Variants in BEND2 observed in about 807,000 individuals in gnomAD.
The protein encoded by BEND2 is BEN domain-containing protein 2.
BEND2 carries 19 observed loss-of-function variants against 43.8 expected under a neutral mutation model. That is an observed-to-expected ratio of 0.43 (90% CI 0.30 to 0.64). The LOEUF (loss-of-function observed/expected upper bound fraction) is 0.64. BEND2 is among the 30% of genes least tolerant of loss of function. The pLI is 0.11. For synonymous variants in BEND2, 226 were observed against 210.1 expected (o/e 1.08, Z -0.66); for missense variants, 544 against 574.0 (o/e 0.95, Z 0.53).
chrX:18,215,146 T>C (rs148621470), intron 2 of BEND2, among the ~76,000 whole-genome samples: 1 of 111,871 alleles, frequency 8.9e-6, no homozygotes, highest in Non-Finnish European at 1.9e-5. Context: ...AAGGCAAACA[T>C]TTATCATTTT....
chrX:18,177,754 G>C lies in BEND2; in HGVS notation c.1445C>G (p.Pro482Arg). The change falls in exon 10 of 14, where the codon CCA (proline) becomes CGA (arginine). Residue 482 changes from proline to arginine, a missense_variant. By Grantham distance (103) the Pro-to-Arg change is moderately radical. Around this residue, in one of 2 missense-constraint regions of BEND2, gnomAD observed 501 missense variants for 501.6 expected, o/e 1.00. Transcript: ENST00000380033. ...IPPKYGYLGD[P>R]KRNVRVLKIH... ...TTTAAGTACTCTGACATTTCTTTTT[G>C]GATCACCAAGATAGCCTTTAAAAAT... 8.3e-7 allele frequency: 1 copy of C among 1,207,490 alleles called. No individual in the cohort carries two copies. Among genetic ancestry groups the C allele is most frequent in the Non-Finnish European group, 1.1e-6 (1 of 892,402 alleles).
At chrX:18,220,237 A>G (rs1045431184) in intron 1 of BEND2, among the ~76,000 whole-genome samples, 1 of 112,359 alleles carries the variant, frequency 8.9e-6, no homozygotes, top group African/African-American at 3.2e-5. Flanking sequence ...GCGGCTGCCC[A>G]CCAGGGAAAA....
At chrX:18,219,907 A>G (rs1254571465) in intron 1 of BEND2, among the ~76,000 whole-genome samples, 2 of 106,658 alleles carry the variant, frequency 1.9e-5, no homozygotes, top group Non-Finnish European at 3.8e-5. Flanking sequence ...CTCTGTCTGA[A>G]AACAAAACAA....
At chrX:18,201,415 AAAC>A (rs1569124454) in intron 6 of BEND2, among the ~76,000 whole-genome samples, 7 of 95,746 alleles carry the variant, frequency 7.3e-5, no homozygotes, top group African/African-American at 1.4e-4. Context: ...AAAAAAAAAA[AAAC>A]AAAAAAAAAA....
At chrX:18,205,032 A>C (rs2147426878) in intron 4 of BEND2, among the ~76,000 whole-genome samples, 1 of 111,544 alleles carries the variant, frequency 9.0e-6, no homozygotes, top group East Asian at 2.8e-4. Flanking sequence ...AAAATCATGC[A>C]GTCAACAACT....
At chrX:18,210,785 A>T (rs1925478603) in intron 4 of BEND2, among the ~76,000 whole-genome samples, 1 of 112,131 alleles carries the variant, frequency 8.9e-6, no homozygotes, top group South Asian at 3.7e-4. Flanking sequence ...CAGGGTATAA[A>T]TAAGTAAACA....
intron 9 of BEND2, among the ~76,000 whole-genome samples, chrX:18,179,218 G>A (rs758746721): frequency 4.6e-4 from 43 of 94,191 alleles, no homozygotes; most frequent in Admixed American, 1.3e-3. Context: ...GAGTATAGTG[G>A]CATGATCATG....
At chrX:18,177,128 G>A (rs1365823803) in intron 10 of BEND2, among the ~76,000 whole-genome samples, 1 of 110,485 alleles carries the variant, frequency 9.1e-6, no homozygotes, top group East Asian at 2.8e-4. Context: ...TGTCTGGAAG[G>A]CAGGAAGGCA....
intron 5 of BEND2, among the ~76,000 whole-genome samples, chrX:18,202,837 A>G (rs1368229454): frequency 8.9e-6 from 1 of 112,085 alleles, no homozygotes; most frequent in African/African-American, 3.2e-5. Flanking sequence ...CTTGTATATG[A>G]ATTTTCATAG....
At chrX:18,173,267 G>A (rs1274557438) in intron 12 of BEND2, among the ~76,000 whole-genome samples, 2 of 111,519 alleles carry the variant, frequency 1.8e-5, no homozygotes, top group African/African-American at 6.5e-5. Context: ...TTGAATACAG[G>A]AGGTATTCAA....
intron 9 of BEND2, among the ~76,000 whole-genome samples, chrX:18,179,905 G>A (rs1047727752): frequency 2.7e-5 from 3 of 112,387 alleles, no homozygotes; most frequent in Admixed American, 9.4e-5. Context: ...GGCCAGTTAC[G>A]GTGGCTCATG....
intron 6 of BEND2, among the ~76,000 whole-genome samples, chrX:18,201,427 A>AC (rs1200469991): frequency 0.015 from 1,258 of 86,127 alleles, 81 homozygotes; most frequent in Non-Finnish European, 0.022. Context: ...ACAAAAAAAA[A>AC]AAAACTGGTG....
rs139181421 is a variant in BEND2, at chrX:18,191,187, C to G, written c.1181-79G>C. 123 of 723,721 alleles carry G rather than the reference C, an allele frequency of 1.7e-4. No individual in the cohort carries two copies. The African/African-American group carries it at 2.5e-3, about 15-fold the overall frequency. The allele number at this position is 723,721 out of a possible 1,213,427, so 59.6% of individuals were successfully genotyped here. On this transcript the variant is annotated intron_variant, in intron 7 of 13. Transcript: ENST00000380033. The stretch of plus-strand genomic sequence containing the variant: ...GAAATCTCAACCATGTTTTTTAGAT[C>G]AGGTGAAACTATCCTTCAGGAATAA...
At chrX:18,218,039 G>A (rs2147440986) in intron 1 of BEND2, among the ~76,000 whole-genome samples, 1 of 109,780 alleles carries the variant, frequency 9.1e-6, no homozygotes, top group Non-Finnish European at 1.9e-5. Flanking sequence ...GGAGGCTGAG[G>A]TTGCAGTGAG....
rs145588970 is a variant in BEND2 at position 18,207,018 on chromosome X, C to A, written c.493-3103G>T. 6.2e-3 allele frequency among the ~76,000 whole-genome samples: 693 copies of A among 111,489 alleles called. 1 individual carries two copies. The highest frequency in any genetic ancestry group is 8.2e-3 in the African/African-American group (252 of 30,716). On this transcript the variant is annotated intron_variant, in intron 4 of 13. Coordinates refer to ENST00000380033, the MANE Select transcript of BEND2 (RefSeq NM_153346.5). ...GACCATGGCCCTAGGCACCTCCCCC[C>A]ACAGATGCTGCCTCCCACCCCAGTG...
chrX:18,210,869 A>G, intron 4 of BEND2, among the ~76,000 whole-genome samples: 1 of 112,371 alleles, frequency 8.9e-6, no homozygotes, highest in Middle Eastern at 4.6e-3. Flanking sequence ...TAATTTTAAT[A>G]TAAACATACC....
At chrX:18,179,564 G>A (rs901798407) in intron 9 of BEND2, among the ~76,000 whole-genome samples, 2 of 111,005 alleles carry the variant, frequency 1.8e-5, no homozygotes, top group East Asian at 2.8e-4. Flanking sequence ...CAGTCCACTG[G>A]CCCATCCCCC....
chrX:18,186,937 C>T (rs1924593843), intron 8 of BEND2, among the ~76,000 whole-genome samples: 1 of 105,530 alleles, frequency 9.5e-6, no homozygotes, highest in Non-Finnish European at 1.9e-5. Context: ...ACTGCACTCC[C>T]GCCTGGGCAA....
chrX:18,208,457 G>A (rs1398423096), intron 4 of BEND2, among the ~76,000 whole-genome samples: 1 of 111,328 alleles, frequency 9.0e-6, no homozygotes, highest in Non-Finnish European at 1.9e-5. Flanking sequence ...CTGCACTCCA[G>A]CCTGGGTGAT....
Sources: allele counts gnomAD v4.1 joint callset (sites outside exome capture counted in the v4.1 genomes callset), GRCh38; gene constraint gnomAD v4.1.1; regional missense constraint gnomAD v4.1.1; transcripts MANE v1.5; gene names NCBI Gene and HGNC (gene_info 2026-07-23, HGNC 2026-07-21).